The following AFF1 variants were observed in gnomAD, a reference collection of about 807,000 sequenced individuals.
AFF1 encodes the protein ALF transcription elongation factor 1.
In AFF1, 48 loss-of-function variants were observed where a neutral mutation model predicts 121.7. The ratio of observed to expected loss-of-function variants is 0.39; its 90% CI spans 0.31 to 0.50. The LOEUF (loss-of-function observed/expected upper bound fraction) is 0.50. Among genes scored for constraint, AFF1 ranks in the 20% least tolerant of loss-of-function variants. The pLI, the probability that AFF1 is intolerant of heterozygous loss-of-function variation, is 0.76. For missense variants in AFF1, 1,523 were observed against 1,511.7 expected (o/e 1.01, Z -0.12); for synonymous variants, 613 against 563.0 (o/e 1.09, Z -1.26).
chr4:87,016,879 C>T (rs1039323541), intron 2 of AFF1, among the ~76,000 whole-genome samples: 3 of 152,152 alleles, frequency 2.0e-5, no homozygotes, highest in South Asian at 2.1e-4. Flanking sequence ...TTACCAGCCT[C>T]AGCACATTCT....
At chr4:86,964,128 G>GT (rs571643813) in intron 2 of AFF1, among the ~76,000 whole-genome samples, 23,126 of 131,964 alleles carry the variant, frequency 0.18, 2,060 homozygotes, top group East Asian at 0.31. Flanking sequence ...TGTTCTTTTG[G>GT]TTTTTTTTTT....
chr4:86,955,103 T>C (rs906841849), intron 2 of AFF1, among the ~76,000 whole-genome samples: 3 of 152,192 alleles, frequency 2.0e-5, no homozygotes, highest in African/African-American at 7.2e-5. Flanking sequence ...TTTTAAATTA[T>C]CCAGATTTCC....
intron 2 of AFF1, among the ~76,000 whole-genome samples, chr4:87,019,323 C>T (rs529281754): frequency 6.6e-6 from 1 of 152,306 alleles, no homozygotes; most frequent in East Asian, 1.9e-4. Context: ...CTTTAGGCCT[C>T]AGGAGACAGA....
chr4:87,077,561 C>G (rs1722793307), intron 4 of AFF1, among the ~76,000 whole-genome samples: 1 of 151,934 alleles, frequency 6.6e-6, no homozygotes, highest in African/African-American at 2.4e-5. Context: ...TGAAAATCTT[C>G]CCCCTATTCC....
At chr4:86,988,313 CCT>C (rs1206996895) in intron 2 of AFF1, among the ~76,000 whole-genome samples, 1 of 152,160 alleles carries the variant, frequency 6.6e-6, no homozygotes, top group Non-Finnish European at 1.5e-5. Context: ...CATTAACCAA[CCT>C]CTCTCCATAC....
At position 87,114,685 on chromosome 4, in the gene AFF1, G is replaced by C; in HGVS notation, c.1852G>C (p.Ala618Pro). The C allele has an allele frequency of 6.2e-7, 1 of 1,613,676 alleles. No homozygotes were observed. The highest frequency in any genetic ancestry group is 8.5e-7 in the Non-Finnish European group (1 of 1,179,964). ...CAAACAACCCAAAAAACCTGTCAAGGCCTCTGCCCGGGCAGGTTCACGGAC... is the reference window on the plus strand; with the variant it reads ...CAAACAACCCAAAAAACCTGTCAAGCCCTCTGCCCGGGCAGGTTCACGGAC... Reference protein sequence around the residue: ...GTKQPKKPVKASARAGSRTSL... With the variant: ...GTKQPKKPVKPSARAGSRTSL... Residue 618 changes from alanine to proline, a missense_variant, in exon 12 of 21, where the codon GCC becomes CCC. Physicochemically the swap from Ala to Pro is conservative, Grantham distance 27. Coordinates refer to ENST00000395146, the MANE Select transcript of AFF1 (RefSeq NM_001166693.3).
chr4:87,123,008 C>T (rs1560651560), intron 12 of AFF1, among the ~76,000 whole-genome samples: 1 of 151,834 alleles, frequency 6.6e-6, no homozygotes, highest in Non-Finnish European at 1.5e-5. Context: ...GATTCTTGGC[C>T]TCAGCTTCCT....
Position 86,969,740 on chromosome 4 carries a change from C to T in AFF1, c.38+21169C>T, listed in dbSNP as rs190340528. ...CTAACAATACAAAAAATGAGCTGGGCGCCGGGGCGGGTGCCTATAGTCCCA... is the reference window on the plus strand; with the variant it reads ...CTAACAATACAAAAAATGAGCTGGGTGCCGGGGCGGGTGCCTATAGTCCCA... On this transcript the variant is annotated intron_variant, in intron 2 of 20. Transcript: ENST00000395146. Among the ~76,000 whole-genome samples the T allele has an allele frequency of 3.4e-3, 518 of 151,488 alleles. 2 individuals carry two copies. Among genetic ancestry groups the T allele is most frequent in the Non-Finnish European group, 5.3e-3 (361 of 67,836 alleles).
In AFF1 at chr4:87,033,815, T is replaced by C. The variant is rs562042967; in HGVS notation, c.39-12351T>C. Among the ~76,000 whole-genome samples the C allele has an allele frequency of 5.9e-5, 9 of 152,174 alleles. No individual in the cohort carries two copies. In the East Asian group the frequency reaches 1.5e-3, roughly 26 times the overall value. ...ACTGCCTGTTTTTTTTTAAATGTTATTATTAAATGGTTAACTTCAAAATTT... is the reference window on the plus strand; with the variant it reads ...ACTGCCTGTTTTTTTTTAAATGTTACTATTAAATGGTTAACTTCAAAATTT... On this transcript the variant is annotated intron_variant, in intron 2 of 20. Coordinates refer to ENST00000395146, the MANE Select transcript of AFF1 (RefSeq NM_001166693.3).
intron 16 of AFF1, 93 bp downstream of exon 16, chr4:87,127,796 C>T: frequency 2.3e-6 from 3 of 1,295,700 alleles, no homozygotes; most frequent in Non-Finnish European, 3.3e-6. Context: ...CCATATCACT[C>T]AGCGTATGTG....
intron 2 of AFF1, among the ~76,000 whole-genome samples, chr4:87,024,288 G>A (rs2149568477): frequency 6.6e-6 from 1 of 152,252 alleles, no homozygotes; most frequent in South Asian, 2.1e-4. Context: ...AATATGGGTG[G>A]GGTGTCTGTT....
intron 4 of AFF1, among the ~76,000 whole-genome samples, chr4:87,081,420 C>G (rs540650519): frequency 2.0e-5 from 3 of 152,116 alleles, no homozygotes; most frequent in Non-Finnish European, 4.4e-5. Context: ...CCTCAGCCTC[C>G]CAAAGTGCTG....
intron 16 of AFF1, among the ~76,000 whole-genome samples, chr4:87,129,901 C>T (rs1487498769): frequency 2.0e-5 from 3 of 152,128 alleles, no homozygotes; most frequent in African/African-American, 7.2e-5. Flanking sequence ...GCCCATACCG[C>T]TCTCATTGCT....
intron 2 of AFF1, among the ~76,000 whole-genome samples, chr4:87,008,533 G>A (rs1269790144): frequency 1.3e-5 from 2 of 151,808 alleles, no homozygotes; most frequent in African/African-American, 4.8e-5. Context: ...TAAGAAAGTG[G>A]TTCTTAATCT....
chr4:86,957,313 C>T (rs891322141), intron 2 of AFF1, among the ~76,000 whole-genome samples: 34 of 152,294 alleles, frequency 2.2e-4, no homozygotes, highest in African/African-American at 7.5e-4. Flanking sequence ...CCATACTAGT[C>T]AGCCTACTTT....
Position 87,041,819 on chromosome 4 carries a change from C to G in AFF1, c.39-4347C>G, listed in dbSNP as rs748249165. Reference sequence around the variant, plus strand: ...CACTTGAGGTCAGGAGTTTGAGACCCGTGTGGCCAACTTGGTGAAACCCTG... The same window carrying G: ...CACTTGAGGTCAGGAGTTTGAGACCGGTGTGGCCAACTTGGTGAAACCCTG... On this transcript the variant is annotated intron_variant, in intron 2 of 20. Coordinates refer to ENST00000395146, the MANE Select transcript of AFF1 (RefSeq NM_001166693.3). 5.0e-4 allele frequency among the ~76,000 whole-genome samples: 75 copies of G among 151,350 alleles called. 2 individuals are homozygous for G. Among genetic ancestry groups the G allele is most frequent in the Admixed American group, 4.2e-3 (64 of 15,214 alleles).
In AFF1 at chr4:87,029,063, A is replaced by G. The variant is rs190727292; in HGVS notation, c.39-17103A>G. ...ATTAATGGTGGGTCTGTAAATAACC[A>G]GGGGCCCCAGACTGAAATCGGGCAG... On this transcript the variant is annotated intron_variant, in intron 2 of 20. Coordinates refer to ENST00000395146, the MANE Select transcript of AFF1 (RefSeq NM_001166693.3). Among the ~76,000 whole-genome samples, 275 of 152,290 alleles carry G rather than the reference A, an allele frequency of 1.8e-3. 1 individual carries two copies. Among genetic ancestry groups the G allele is most frequent in the Admixed American group, 3.9e-3 (60 of 15,296 alleles).
Position 87,138,460 on chromosome 4 carries a change from A to C in AFF1, c.*2759A>C, listed in dbSNP as rs1168863948. ...GCAAAGCATCTTAAGGAGTGAAAATAGAGTGTAAATCTTGCCTTTGGCACT... is the reference window on the plus strand; with the variant it reads ...GCAAAGCATCTTAAGGAGTGAAAATCGAGTGTAAATCTTGCCTTTGGCACT... On this transcript the variant is annotated 3_prime_UTR_variant, in exon 21 of 21. Coordinates refer to ENST00000395146, the MANE Select transcript of AFF1 (RefSeq NM_001166693.3). 4.3e-6 allele frequency: 1 copy of C among 232,464 alleles called. No individual in the cohort carries two copies. Among genetic ancestry groups the C allele is most frequent in the Middle Eastern group, 1.2e-3 (1 of 804 alleles). The allele number at this position is 232,464 out of a possible 1,614,324, so 14.4% of individuals were successfully genotyped here.
chr4:86,997,077 A>G (rs1446143126), intron 2 of AFF1, among the ~76,000 whole-genome samples: 2 of 152,080 alleles, frequency 1.3e-5, no homozygotes, highest in Admixed American at 6.5e-5. Flanking sequence ...ATGTCTGGCT[A>G]ATTTTTGTAT....
Sources: allele counts gnomAD v4.1 joint callset (sites outside exome capture counted in the v4.1 genomes callset), GRCh38; gene constraint gnomAD v4.1.1; transcripts MANE v1.5; gene names NCBI Gene and HGNC (gene_info 2026-07-23, HGNC 2026-07-21).